SYNJ2BP: variants seen among roughly 807,000 people sequenced by gnomAD.
SYNJ2BP encodes the protein synaptojanin-2-binding protein.
In SYNJ2BP, 10 loss-of-function variants were observed where a neutral mutation model predicts 16.9. The observed-to-expected ratio is 0.59, with a 90% CI of 0.36 to 1.00. The LOEUF (loss-of-function observed/expected upper bound fraction) is 1.00. Among genes scored for constraint, SYNJ2BP ranks in the 50% least tolerant of loss-of-function variants. SYNJ2BP has a pLI of 0.01. For synonymous variants in SYNJ2BP, 54 were observed against 68.4 expected (o/e 0.79, Z 1.04); for missense variants, 162 against 186.7 (o/e 0.87, Z 0.77).
At chr14:70,412,861 G>T (rs1888518590) in intron 1 of SYNJ2BP, among the ~76,000 whole-genome samples, 1 of 151,984 alleles carries the variant, frequency 6.6e-6, no homozygotes, top group Non-Finnish European at 1.5e-5. Flanking sequence ...TGTCTTTATG[G>T]CCAATCTCTT....
intron 2 of SYNJ2BP, among the ~76,000 whole-genome samples, chr14:70,378,961 T>C (rs1887691137): frequency 6.6e-6 from 1 of 152,224 alleles, no homozygotes; most frequent in African/African-American, 2.4e-5. Context: ...TTCCCTTGCC[T>C]GCTCCTTTCC....
At chr14:70,416,792 T>C (rs1213265766) in intron 1 of SYNJ2BP, 108 bp downstream of exon 1, 1 of 1,555,286 alleles carries the variant, frequency 6.4e-7, no homozygotes, top group Non-Finnish European at 8.8e-7. Flanking sequence ...AACCTCTAGG[T>C]TGTGGCCTGC....
intron 1 of SYNJ2BP, among the ~76,000 whole-genome samples, chr14:70,393,725 C>G (rs1425787220): frequency 6.6e-6 from 1 of 151,892 alleles, no homozygotes; most frequent in Non-Finnish European, 1.5e-5. Context: ...ACTGCATGTT[C>G]TCACTCACAT....
chr14:70,406,970 C>A (rs1444653365), intron 1 of SYNJ2BP, among the ~76,000 whole-genome samples: 1 of 152,132 alleles, frequency 6.6e-6, no homozygotes, highest in Non-Finnish European at 1.5e-5. Context: ...GCAAGAAGAA[C>A]CCATTGGGTG....
Position 70,369,566 on chromosome 14 carries a change from T to A in SYNJ2BP, c.*3425A>T, listed in dbSNP as rs1479506815. ...ACATAATCCTAGTCAAGTAATTTTT[T>A]CTCTCATTTTTAGTCTCTTTGTGAC... On this transcript the variant is annotated 3_prime_UTR_variant, in exon 4 of 4. Transcript: ENST00000256366. The A allele has an allele frequency of 1.3e-5, 2 of 152,226 alleles. No individual in the cohort carries two copies. Among genetic ancestry groups the A allele is most frequent in the Non-Finnish European group, 2.9e-5 (2 of 68,042 alleles). 9.4% of individuals were successfully genotyped at this position (152,226 alleles called of 1,614,324 possible).
chr14:70,375,700 A>G lies in SYNJ2BP; in HGVS notation c.273T>C (p.Ala91=). 6.2e-7 allele frequency: 1 copy of G among 1,614,138 alleles called. No individual in the cohort carries two copies. Among genetic ancestry groups the G allele is most frequent in the Non-Finnish European group, 8.5e-7 (1 of 1,179,984 alleles). Residue 91 remains alanine (A), a synonymous_variant, in exon 3 of 4, where the codon GCT becomes GCC. Coordinates refer to ENST00000256366, the MANE Select transcript of SYNJ2BP (RefSeq NM_018373.3). ...AVDLFRNAGY[A]VSLRVQHRLQ... ...CCCTGTGCTGCACTCTCAGAGACAC[A>G]GCATAGCCTGCATTACGAAAGAGGT...
At chr14:70,400,928 A>T (rs913233164) in intron 1 of SYNJ2BP, among the ~76,000 whole-genome samples, 2 of 152,232 alleles carry the variant, frequency 1.3e-5, no homozygotes, top group African/African-American at 4.8e-5. Flanking sequence ...CAAGTTGAAG[A>T]ATTTTCAAAA....
chr14:70,382,789 C>CT (rs1039555186), intron 2 of SYNJ2BP, among the ~76,000 whole-genome samples: 4 of 152,060 alleles, frequency 2.6e-5, no homozygotes, highest in African/African-American at 7.2e-5. Context: ...AGGAAACATA[C>CT]TTTTTTTTAC....
intron 1 of SYNJ2BP, among the ~76,000 whole-genome samples, chr14:70,402,521 T>C (rs2140860972): frequency 6.6e-6 from 1 of 152,096 alleles, no homozygotes; most frequent in African/African-American, 2.4e-5. Context: ...TCTGCCTGGT[T>C]TTTAGACACT....
rs1035221847 is a variant in SYNJ2BP at position 70,370,343 on chromosome 14, G to C, written c.*2648C>G. On this transcript the variant is annotated 3_prime_UTR_variant, in exon 4 of 4. Coordinates refer to ENST00000256366, the MANE Select transcript of SYNJ2BP (RefSeq NM_018373.3). ...GCCGCTGTACATGCCTTCAGGAACAGAAAGGGTACCAGAGGCTGTGCCCTC... is the reference window on the plus strand; with the variant it reads ...GCCGCTGTACATGCCTTCAGGAACACAAAGGGTACCAGAGGCTGTGCCCTC... The C allele has an allele frequency of 6.6e-6, 1 of 152,192 alleles. No individual in the cohort carries two copies. The highest frequency in any genetic ancestry group is 1.5e-5 in the Non-Finnish European group (1 of 68,034). The allele number at this position is 152,192 out of a possible 1,614,324, so 9.4% of individuals were successfully genotyped here.
chr14:70,379,322 A>G (rs903103074), intron 2 of SYNJ2BP, among the ~76,000 whole-genome samples: 1 of 152,354 alleles, frequency 6.6e-6, no homozygotes, highest in South Asian at 2.1e-4. Context: ...CTCGTTTCTT[A>G]TGCTGATATG....
chr14:70,394,543 G>A (rs554383350), intron 1 of SYNJ2BP, among the ~76,000 whole-genome samples: 6 of 150,674 alleles, frequency 4.0e-5, no homozygotes, highest in African/African-American at 1.5e-4. Context: ...AATATGGCAA[G>A]ATTAAAATGG....
intron 2 of SYNJ2BP, among the ~76,000 whole-genome samples, chr14:70,387,072 A>G (rs535264014): frequency 6.6e-6 from 1 of 152,228 alleles, no homozygotes; most frequent in Non-Finnish European, 1.5e-5. Context: ...CCGAAGCCCT[A>G]TCCTATTTCA....
At chr14:70,402,797 G>T (rs959640499) in intron 1 of SYNJ2BP, among the ~76,000 whole-genome samples, 1 of 152,100 alleles carries the variant, frequency 6.6e-6, no homozygotes, top group African/African-American at 2.4e-5. Flanking sequence ...AACGAACTAA[G>T]TATCTAACAA....
At chr14:70,390,465 G>A (rs1299944740) in intron 1 of SYNJ2BP, among the ~76,000 whole-genome samples, 1 of 151,634 alleles carries the variant, frequency 6.6e-6, no homozygotes, top group African/African-American at 2.4e-5. Flanking sequence ...TCAGGAGATC[G>A]AGACCATCTT....
chr14:70,411,592 C>G (rs932058210), intron 1 of SYNJ2BP, among the ~76,000 whole-genome samples: 1 of 152,218 alleles, frequency 6.6e-6, no homozygotes, highest in Admixed American at 6.5e-5. Context: ...ACTCACTAAC[C>G]TCAGAATATG....
At chr14:70,408,542 G>A (rs750411649) in intron 1 of SYNJ2BP, among the ~76,000 whole-genome samples, 17 of 151,758 alleles carry the variant, frequency 1.1e-4, no homozygotes, top group East Asian at 1.9e-4. Context: ...GTGTGGTAGC[G>A]GGCGCCTGTA....
intron 1 of SYNJ2BP, among the ~76,000 whole-genome samples, chr14:70,389,622 C>T (rs1441238742): frequency 6.6e-6 from 1 of 152,068 alleles, no homozygotes; most frequent in Non-Finnish European, 1.5e-5. Context: ...TTAAACTTAC[C>T]AGTTGAATAT....
At chr14:70,412,172 G>T (rs1594963834) in intron 1 of SYNJ2BP, among the ~76,000 whole-genome samples, 1 of 152,238 alleles carries the variant, frequency 6.6e-6, no homozygotes, top group South Asian at 2.1e-4. Flanking sequence ...TCCACTGTAG[G>T]TTGTATTAGT....
Sources: allele counts gnomAD v4.1 joint callset (sites outside exome capture counted in the v4.1 genomes callset), GRCh38; gene constraint gnomAD v4.1.1; transcripts MANE v1.5; gene names NCBI Gene and HGNC (gene_info 2026-07-23, HGNC 2026-07-21).